MDGA2: variants seen among roughly 807,000 people sequenced by gnomAD.
The protein encoded by MDGA2 is MAM domain containing glycosylphosphatidylinositol anchor 2, also known as MAM domain-containing glycosylphosphatidylinositol anchor protein 2.
A neutral mutation model predicts 117.8 loss-of-function variants in MDGA2; 40 were observed. That is an observed-to-expected ratio of 0.34 (90% CI 0.26 to 0.44). The LOEUF is 0.44. Ranked by LOEUF, MDGA2 falls within the 20% of genes least tolerant of loss-of-function variation. MDGA2 has a pLI of 1.00. For synonymous variants in MDGA2, 452 were observed against 439.0 expected (o/e 1.03, Z -0.37); for missense variants, 1,123 against 1,250.6 (o/e 0.90, Z 1.54).
intron 6 of MDGA2, among the ~76,000 whole-genome samples, chr14:47,076,623 T>A (rs1594594868): frequency 1.3e-5 from 2 of 151,958 alleles, no homozygotes; most frequent in South Asian, 2.1e-4. Context: ...TTTAAAAACA[T>A]CTTTAATTAC....
At chr14:47,486,798 T>G (rs2138645243) in intron 1 of MDGA2, among the ~76,000 whole-genome samples, 1 of 152,280 alleles carries the variant, frequency 6.6e-6, no homozygotes, top group Non-Finnish European at 1.5e-5. Context: ...CATAACTTGC[T>G]CCCCCTTGCC....
Position 47,674,322 on chromosome 14 carries a change from G to T in MDGA2, c.280+195C>A, listed in dbSNP as rs1037262967. 1.5e-4 allele frequency among the ~76,000 whole-genome samples: 23 copies of T among 152,344 alleles called. No homozygotes were observed. In the East Asian group the frequency reaches 4.3e-3, roughly 28 times the overall value. Reference sequence around the variant, plus strand: ...AAACCCAACTCCGAGCCAGAGCCCAGGCGCCGGGGAAGCGGCTCGCAGCCC... The same window carrying T: ...AAACCCAACTCCGAGCCAGAGCCCATGCGCCGGGGAAGCGGCTCGCAGCCC... On this transcript the variant is annotated intron_variant, in intron 1 of 16. Coordinates refer to ENST00000399232, the MANE Select transcript of MDGA2 (RefSeq NM_001113498.3).
At chr14:47,431,026 T>C (rs1250477226) in intron 1 of MDGA2, among the ~76,000 whole-genome samples, 6 of 152,074 alleles carry the variant, frequency 3.9e-5, no homozygotes, top group Non-Finnish European at 1.5e-5. Context: ...TATGTCATTA[T>C]CTGTTTTGAT....
chr14:47,045,977 G>T (rs773058744), intron 7 of MDGA2, among the ~76,000 whole-genome samples: 2 of 150,244 alleles, frequency 1.3e-5, no homozygotes, highest in Non-Finnish European at 3.0e-5. Context: ...AAAAAAAGGG[G>T]GAACATCACA....
chr14:47,027,765 T>G (rs1307937624), intron 8 of MDGA2, among the ~76,000 whole-genome samples: 1 of 151,842 alleles, frequency 6.6e-6, no homozygotes, highest in African/African-American at 2.4e-5. Context: ...AATGAAAATA[T>G]AGAGAGCAAG....
intron 1 of MDGA2, among the ~76,000 whole-genome samples, chr14:47,590,303 A>G (rs966655702): frequency 1.3e-5 from 2 of 151,970 alleles, no homozygotes; most frequent in Non-Finnish European, 2.9e-5. Flanking sequence ...AAATGCCAAA[A>G]GAAAGATGCA....
At chr14:47,397,238 C>T (rs1892032229) in intron 1 of MDGA2, among the ~76,000 whole-genome samples, 1 of 152,032 alleles carries the variant, frequency 6.6e-6, no homozygotes, top group Admixed American at 6.6e-5. Context: ...GGACAGAAAA[C>T]CAAACACCAC....
chr14:47,672,368 T>C (rs1032662783), intron 1 of MDGA2, among the ~76,000 whole-genome samples: 7 of 152,216 alleles, frequency 4.6e-5, no homozygotes, highest in Admixed American at 3.3e-4. Flanking sequence ...AACTGCCTCC[T>C]TGTTTATTGT....
intron 3 of MDGA2, among the ~76,000 whole-genome samples, chr14:47,179,406 T>C (rs959823551): frequency 6.6e-6 from 1 of 152,062 alleles, no homozygotes; most frequent in African/African-American, 2.4e-5. Flanking sequence ...TCCTCATTTT[T>C]TTCATAACTC....
intron 1 of MDGA2, among the ~76,000 whole-genome samples, chr14:47,312,428 C>T (rs1305416189): frequency 6.6e-6 from 1 of 152,132 alleles, no homozygotes; most frequent in African/African-American, 2.4e-5. Flanking sequence ...AGAGAATATA[C>T]TTCATTCTCC....
At chr14:47,436,444 G>C (rs1892900087) in intron 1 of MDGA2, among the ~76,000 whole-genome samples, 1 of 151,988 alleles carries the variant, frequency 6.6e-6, no homozygotes, top group Non-Finnish European at 1.5e-5. Flanking sequence ...TGTACAAAAA[G>C]GGGACCCCAA....
At chr14:47,423,378 T>C (rs548399316) in intron 1 of MDGA2, among the ~76,000 whole-genome samples, 10 of 152,346 alleles carry the variant, frequency 6.6e-5, no homozygotes, top group African/African-American at 1.9e-4. Flanking sequence ...CCTTTATTAA[T>C]GCTGATATCC....
chr14:47,534,869 T>C (rs147236370), intron 1 of MDGA2, among the ~76,000 whole-genome samples: 20 of 152,284 alleles, frequency 1.3e-4, no homozygotes, highest in Admixed American at 5.2e-4. Flanking sequence ...TCCCAGACTA[T>C]CTGGAGAGAA....
chr14:46,970,501 A>G (rs1886221506), intron 8 of MDGA2, among the ~76,000 whole-genome samples: 1 of 152,188 alleles, frequency 6.6e-6, no homozygotes, highest in Non-Finnish European at 1.5e-5. Context: ...ACCCATATGC[A>G]GAAGAAGAAA....
intron 1 of MDGA2, among the ~76,000 whole-genome samples, chr14:47,531,063 A>AAG: frequency 6.6e-6 from 1 of 151,944 alleles, no homozygotes; most frequent in Non-Finnish European, 1.5e-5. Context: ...GGCTAACACG[A>AAG]TGAAACCCCG....
At chr14:47,541,875 T>C (rs918737555) in intron 1 of MDGA2, among the ~76,000 whole-genome samples, 5 of 152,172 alleles carry the variant, frequency 3.3e-5, no homozygotes, top group African/African-American at 1.2e-4. Context: ...ATCTGTCTTC[T>C]GCTTTATAGG....
At chr14:47,038,655 A>G (rs1888947066) in intron 7 of MDGA2, among the ~76,000 whole-genome samples, 1 of 152,062 alleles carries the variant, frequency 6.6e-6, no homozygotes, top group Non-Finnish European at 1.5e-5. Context: ...GTCTCTTCCT[A>G]GGCTAGATGC....
chr14:47,576,886 C>G (rs1431112629), intron 1 of MDGA2, among the ~76,000 whole-genome samples: 1 of 152,088 alleles, frequency 6.6e-6, no homozygotes, highest in Non-Finnish European at 1.5e-5. Context: ...GTATCTGGGA[C>G]CACGGGCATG....
At chr14:47,229,865 T>A (rs1005675395) in intron 2 of MDGA2, among the ~76,000 whole-genome samples, 1 of 152,022 alleles carries the variant, frequency 6.6e-6, no homozygotes, top group South Asian at 2.1e-4. Context: ...AGGAGGATAT[T>A]CCAGTTGGCT....
Sources: allele counts gnomAD v4.1 joint callset (sites outside exome capture counted in the v4.1 genomes callset), GRCh38; gene constraint gnomAD v4.1.1; transcripts MANE v1.5; gene names NCBI Gene and HGNC (gene_info 2026-07-23, HGNC 2026-07-21).